NDUFA10: variants seen among roughly 807,000 people sequenced by gnomAD.
NDUFA10 encodes NADH:ubiquinone oxidoreductase subunit A10, also known as NADH dehydrogenase [ubiquinone] 1 alpha subcomplex subunit 10, mitochondrial.
NDUFA10 carries 40 observed loss-of-function variants against 47.8 expected under a neutral mutation model. That is an observed-to-expected ratio of 0.84 (90% confidence interval 0.65 to 1.09). The LOEUF (loss-of-function observed/expected upper bound fraction) is 1.09, where lower values mean the gene tolerates loss of function less well. Among genes scored for constraint, NDUFA10 ranks in the 50% least tolerant of loss-of-function variants. NDUFA10 has a pLI of 0.00. For missense variants in NDUFA10, 413 were observed against 451.1 expected, an observed-to-expected ratio of 0.92 and a Z score of 0.76; for synonymous variants, 183 against 172.2, an observed-to-expected ratio of 1.06 and a Z score of -0.49.
chr2:239,948,446 G>A (rs908313568), intron 4 of NDUFA10, among the ~76,000 whole-genome samples: 2 of 152,242 alleles, frequency 1.3e-5, no homozygotes, highest in African/African-American at 2.4e-5. Context: ...AGTAACAGGC[G>A]TTCAAAACAT....
intron 4 of NDUFA10, among the ~76,000 whole-genome samples, chr2:239,901,408 A>G (rs1429178440): frequency 3.3e-5 from 5 of 152,124 alleles, no homozygotes; most frequent in Admixed American, 3.3e-4. Context: ...ATGACAGCAC[A>G]TCTCTTTATA....
At position 239,945,292 on chromosome 2, in the gene NDUFA10, G is replaced by C. The variant is rs1694430250; in HGVS notation, c.294+44782C>G. 1.3e-5 allele frequency among the ~76,000 whole-genome samples: 2 copies of C among 152,212 alleles called. No homozygotes were observed. Among genetic ancestry groups the C allele is most frequent in the Admixed American group, 1.3e-4 (2 of 15,282 alleles). On this transcript the variant is annotated intron_variant, in intron 4 of 5. Transcript: ENST00000419408. The surrounding 1 kb of genome is among the most constrained non-coding windows in gnomAD (Gnocchi z 4.6). ...CAGCGGCAGCGCCATCATTCCTCCT[G>C]CTTTGCAGCCAGGAAGACACGAGCT... is the stretch of plus-strand genomic sequence containing the variant.
chr2:239,966,519 C>T (rs1478796811), intron 9 of NDUFA10, among the ~76,000 whole-genome samples: 2 of 152,164 alleles, frequency 1.3e-5, no homozygotes, highest in African/African-American at 4.8e-5. Flanking sequence ...TGTTCCCACC[C>T]GTGCATCCTG....
At chr2:240,023,882 T>C (rs1574905472) in intron 1 of NDUFA10, among the ~76,000 whole-genome samples, 1 of 152,314 alleles carries the variant, frequency 6.6e-6, no homozygotes. Context: ...CAAATAAGTA[T>C]ATGAAAAGAT....
Position 239,906,640 on chromosome 2 carries a change from C to A in NDUFA10, c.295-11326G>T, listed in dbSNP as rs1276470905. Among the ~76,000 whole-genome samples, 1 of 152,200 alleles carries A rather than the reference C, an allele frequency of 6.6e-6. No individual in the cohort carries two copies. Among genetic ancestry groups the A allele is most frequent in the Admixed American group, 6.5e-5 (1 of 15,286 alleles). The stretch of plus-strand genomic sequence containing the variant: ...GCCAACCAGCGTGCCCCCGGGAATG[C>A]TGGTCCAGACGCTTTGCCCTGCACC... On this transcript the variant is annotated intron_variant, in intron 4 of 5. Transcript: ENST00000419408. The surrounding 1 kb of genome is among the most constrained non-coding windows in gnomAD (Gnocchi z 4.3).
intron 4 of NDUFA10, among the ~76,000 whole-genome samples, chr2:239,922,031 T>TCTTTCCTTCCCTTCTTCCCTCCCTC (rs1693997274): frequency 7.5e-6 from 1 of 133,260 alleles, no homozygotes; most frequent in African/African-American, 2.7e-5. Flanking sequence ...CTTCCTTCTT[T>TCTTTCCTTCCCTTCTTCCCTCCCTC]CCTTCCTTCC....
chr2:239,936,411 T>C (rs992058575), intron 4 of NDUFA10, among the ~76,000 whole-genome samples: 10 of 152,220 alleles, frequency 6.6e-5, no homozygotes, highest in African/African-American at 2.2e-4. Flanking sequence ...GGCAGGAGGC[T>C]GCTCTGCGTG....
intron 5 of NDUFA10, among the ~76,000 whole-genome samples, chr2:239,893,109 A>T (rs1693324200): frequency 6.6e-6 from 1 of 152,008 alleles, no homozygotes; most frequent in East Asian, 1.9e-4. Context: ...CCCTGGCAGT[A>T]CTCTCTGCCC....
chr2:239,981,134 C>T (rs1466882964), intron 9 of NDUFA10, among the ~76,000 whole-genome samples: 2 of 152,196 alleles, frequency 1.3e-5, no homozygotes, highest in Non-Finnish European at 2.9e-5. Flanking sequence ...ATAGGATACC[C>T]GGTTAAAAAC....
rs200880473 is a variant in NDUFA10, at chr2:240,025,092, A to AG, written c.75+134dup. Reference sequence around the variant, plus strand: ...AAGACCAAACAATTCCGGAGGCAGGAGGGGTCCCCCAAACCCACCCGGAGA... The same window carrying AG: ...AAGACCAAACAATTCCGGAGGCAGGAGGGGGTCCCCCAAACCCACCCGGAGA... On this transcript the variant is annotated intron_variant, in intron 1 of 9. Coordinates refer to ENST00000252711, the MANE Select transcript of NDUFA10 (RefSeq NM_004544.4). The AG allele has an allele frequency of 0.062, 51,769 of 837,328 alleles. 2,093 individuals carry two copies. Among genetic ancestry groups the AG allele is most frequent in the Admixed American group, 0.12 (3,085 of 24,724 alleles). 51.9% of individuals were successfully genotyped at this position (837,328 alleles called of 1,614,324 possible).
intron 4 of NDUFA10, 119 bp from the exon 5 acceptor site, chr2:240,014,979 C>G: frequency 7.1e-7 from 1 of 1,399,130 alleles, no homozygotes; most frequent in Non-Finnish European, 9.9e-7. Context: ...ACGTACCAAT[C>G]TACAAACCCT....
At chr2:239,920,234 C>T (rs1216711956) in intron 4 of NDUFA10, among the ~76,000 whole-genome samples, 1 of 152,180 alleles carries the variant, frequency 6.6e-6, no homozygotes, top group African/African-American at 2.4e-5. Flanking sequence ...GAGGGCCCTC[C>T]CCAGGAACAG....
At position 240,005,594 on chromosome 2, in the gene NDUFA10, C is replaced by T. The variant is rs371063755; in HGVS notation, c.805-299G>A. On this transcript the variant is annotated intron_variant, in intron 7 of 9. Coordinates refer to ENST00000252711, the MANE Select transcript of NDUFA10 (RefSeq NM_004544.4). ...CTGGTCTCAAACTCCTGGGCTCAAG[C>T]GATCCTCCTGCCTCAGCCTCCCAAA... Among the ~76,000 whole-genome samples, 126 of 152,244 alleles carry T rather than the reference C, an allele frequency of 8.3e-4. 2 individuals carry two copies. In the South Asian group the frequency reaches 0.014, roughly 17 times the overall value.
intron 4 of NDUFA10, among the ~76,000 whole-genome samples, chr2:239,936,837 G>A (rs1367876859): frequency 6.6e-6 from 1 of 152,178 alleles, no homozygotes; most frequent in Non-Finnish European, 1.5e-5. Context: ...GTGCATGCCT[G>A]TAATCTCAGC....
At chr2:240,004,649 C>A (rs905614538) in intron 8 of NDUFA10, among the ~76,000 whole-genome samples, 4 of 151,980 alleles carry the variant, frequency 2.6e-5, no homozygotes, top group African/African-American at 9.7e-5. Context: ...GCCTCCCCTC[C>A]CCACACTTTT....
intron 4 of NDUFA10, among the ~76,000 whole-genome samples, chr2:239,935,848 A>G (rs1248276708): frequency 1.3e-5 from 2 of 152,198 alleles, no homozygotes; most frequent in African/African-American, 2.4e-5. Flanking sequence ...CCCCAGCCAC[A>G]TGGAACTGTG....
intron 4 of NDUFA10, among the ~76,000 whole-genome samples, chr2:239,897,783 G>T (rs1230275379): frequency 6.6e-6 from 1 of 152,168 alleles, no homozygotes; most frequent in Non-Finnish European, 1.5e-5. Flanking sequence ...CGCCCTGGAG[G>T]TCACTCAGCC....
intron 4 of NDUFA10, among the ~76,000 whole-genome samples, chr2:239,912,177 G>A (rs1693766910): frequency 6.6e-6 from 1 of 152,184 alleles, no homozygotes; most frequent in African/African-American, 2.4e-5. Flanking sequence ...GCGGCACACA[G>A]AGCACCCAGC....
chr2:239,976,150 C>T (rs1004942233), intron 9 of NDUFA10, among the ~76,000 whole-genome samples: 2 of 152,236 alleles, frequency 1.3e-5, no homozygotes, highest in Non-Finnish European at 2.9e-5. Context: ...AGAAGTTCTT[C>T]ACACTGCAAT....
Sources: allele counts gnomAD v4.1 joint callset (sites outside exome capture counted in the v4.1 genomes callset), GRCh38; gene constraint gnomAD v4.1.1; non-coding constraint Gnocchi (gnomAD v3.1); transcripts MANE v1.5; gene names NCBI Gene and HGNC (gene_info 2026-07-23, HGNC 2026-07-21).